Variants in RABEP1 observed in about 807,000 individuals in gnomAD.
RABEP1 encodes rabaptin, RAB GTPase binding effector protein 1, also known as rab GTPase-binding effector protein 1.
RABEP1 carries 51 observed loss-of-function variants against 123.4 expected under a neutral mutation model. That is an observed-to-expected ratio of 0.41 (90% CI 0.33 to 0.52). RABEP1 has a LOEUF of 0.52. RABEP1 is among the 20% of genes least tolerant of loss of function. The pLI is 0.16. For missense variants in RABEP1, 888 were observed against 996.3 expected (o/e 0.89, Z 1.46); for synonymous variants, 347 against 355.2 (o/e 0.98, Z 0.26).
chr17:5,363,087 C>T, intron 10 of RABEP1, 71 bp downstream of exon 10: 3 of 1,109,876 alleles, frequency 2.7e-6, no homozygotes, highest in Non-Finnish European at 4.1e-6. Context: ...AATTGCCCCC[C>T]TCTCCGGCCC....
intron 5 of RABEP1, among the ~76,000 whole-genome samples, chr17:5,344,949 C>A (rs1042508288): frequency 6.6e-6 from 1 of 150,990 alleles, no homozygotes; most frequent in Admixed American, 6.6e-5. Context: ...GGCGACAGAT[C>A]GAGACTCCGT....
chr17:5,315,813 C>G (rs974429012), intron 2 of RABEP1, among the ~76,000 whole-genome samples: 2 of 152,160 alleles, frequency 1.3e-5, no homozygotes, highest in Admixed American at 6.5e-5. Context: ...AATTGCAGCA[C>G]TGCACTCCAG....
chr17:5,318,883 C>T lies in RABEP1; in HGVS notation c.163+10061C>T, dbSNP rs151025019. On this transcript the variant is annotated intron_variant, in intron 2 of 17. Transcript: ENST00000537505. The stretch of plus-strand genomic sequence containing the variant: ...CAGCCACGTGGCATTTGTGTAGGTA[C>T]GCAAGACTGGTTCAACATTCAAAAA... Among the ~76,000 whole-genome samples, 547 of 152,204 alleles carry T rather than the reference C, an allele frequency of 3.6e-3. 4 individuals carry two copies. Among genetic ancestry groups the T allele is most frequent in the African/African-American group, 0.012 (516 of 41,548 alleles).
At chr17:5,360,940 A>AT (rs1195958997) in intron 8 of RABEP1, 1 of 438,616 alleles carries the variant, frequency 2.3e-6, no homozygotes, top group Non-Finnish European at 4.1e-6. Context: ...TCACAGTATT[A>AT]TAACAGTCTG....
At chr17:5,340,705 G>C (rs1230470502) in intron 5 of RABEP1, among the ~76,000 whole-genome samples, 1 of 151,050 alleles carries the variant, frequency 6.6e-6, no homozygotes, top group Non-Finnish European at 1.5e-5. Context: ...CCAGCACTTT[G>C]GGAGGCTGAG....
At chr17:5,293,187 T>C (rs1000813120) in intron 1 of RABEP1, among the ~76,000 whole-genome samples, 2 of 151,632 alleles carry the variant, frequency 1.3e-5, no homozygotes, top group Admixed American at 6.6e-5. Flanking sequence ...CTTGGGAGGG[T>C]GAGGCACGAG....
intron 2 of RABEP1, among the ~76,000 whole-genome samples, chr17:5,312,849 G>T (rs2075258153): frequency 6.6e-6 from 1 of 152,182 alleles, no homozygotes; most frequent in Non-Finnish European, 1.5e-5. Flanking sequence ...GCACATGCCT[G>T]TAATCCTAGC....
intron 10 of RABEP1, among the ~76,000 whole-genome samples, chr17:5,364,154 G>A (rs1909813659): frequency 6.6e-6 from 1 of 152,192 alleles, no homozygotes; most frequent in Admixed American, 6.5e-5. Context: ...AATGTAGTTG[G>A]CCCCTGATAG....
At chr17:5,295,784 G>A (rs1176422947) in intron 1 of RABEP1, among the ~76,000 whole-genome samples, 2 of 152,146 alleles carry the variant, frequency 1.3e-5, no homozygotes, top group Non-Finnish European at 2.9e-5. Context: ...AGCTGCTCAA[G>A]GATGTCAAAG....
intron 1 of RABEP1, among the ~76,000 whole-genome samples, chr17:5,303,093 CT>C (rs2075150170): frequency 6.6e-6 from 1 of 151,924 alleles, no homozygotes; most frequent in African/African-American, 2.4e-5. Context: ...TCATTACAGT[CT>C]TTTTTTCTAT....
intron 13 of RABEP1, among the ~76,000 whole-genome samples, chr17:5,376,909 C>T (rs1567554279): frequency 1.3e-5 from 2 of 152,144 alleles, no homozygotes; most frequent in East Asian, 3.8e-4. Context: ...TTACAAGATA[C>T]GACTTGGCCA....
At chr17:5,344,995 A>G (rs1046622613) in intron 5 of RABEP1, among the ~76,000 whole-genome samples, 1 of 152,084 alleles carries the variant, frequency 6.6e-6, no homozygotes, top group Non-Finnish European at 1.5e-5. Flanking sequence ...AAACAGGTAA[A>G]GTGTATGAGC....
chr17:5,381,432 A>G lies in RABEP1; in HGVS notation c.2414A>G (p.Gln805Arg), dbSNP rs1348592362. ...ATGTTTGAAGAGAAGAATAAAGCTC[A>G]GAGATTACAGACAGAATTAGATGTC... ...QLMFEEKNKA[Q>R]RLQTELDVSE... The change falls in exon 17 of 18, where the codon CAG (glutamine) becomes CGG (arginine). Residue 805 changes from glutamine (Q) to arginine (R), a missense_variant. Gln to Arg is a conservative substitution (Grantham distance 43). Coordinates refer to ENST00000537505, the MANE Select transcript of RABEP1 (RefSeq NM_004703.6). 1.9e-6 allele frequency: 3 copies of G among 1,613,652 alleles called. No homozygotes were observed. Among genetic ancestry groups the G allele is most frequent in the Admixed American group, 3.3e-5 (2 of 60,000 alleles).
At chr17:5,338,445 G>A (rs540503705) in intron 5 of RABEP1, among the ~76,000 whole-genome samples, 4 of 152,102 alleles carry the variant, frequency 2.6e-5, no homozygotes, top group Non-Finnish European at 5.9e-5. Flanking sequence ...CTGTAATCCC[G>A]GCTGCTCCCA....
chr17:5,291,399 G>A (rs1265927144), intron 1 of RABEP1, among the ~76,000 whole-genome samples: 1 of 152,064 alleles, frequency 6.6e-6, no homozygotes, highest in African/African-American at 2.4e-5. Flanking sequence ...GCGACAGTGC[G>A]AGACTCCGTT....
chr17:5,314,581 C>T (rs559318298), intron 2 of RABEP1, among the ~76,000 whole-genome samples: 39 of 150,352 alleles, frequency 2.6e-4, no homozygotes, highest in African/African-American at 7.6e-4. Flanking sequence ...TGCAGTGGCA[C>T]GATCTCGGCT....
chr17:5,373,678 C>T (rs987496508), intron 13 of RABEP1, among the ~76,000 whole-genome samples: 9 of 143,702 alleles, frequency 6.3e-5, no homozygotes, highest in African/African-American at 2.1e-4. Context: ...CCCTGTGACC[C>T]GACTACACCA....
At chr17:5,293,507 T>G (rs2075052471) in intron 1 of RABEP1, among the ~76,000 whole-genome samples, 1 of 152,108 alleles carries the variant, frequency 6.6e-6, no homozygotes, top group African/African-American at 2.4e-5. Context: ...CACGGCTCAA[T>G]GTAACCTTGA....
At chr17:5,311,164 T>C (rs534291798) in intron 2 of RABEP1, among the ~76,000 whole-genome samples, 3 of 152,060 alleles carry the variant, frequency 2.0e-5, no homozygotes, top group Admixed American at 6.5e-5. Context: ...ATTACTGGCT[T>C]CCCCCCTCAG....
Sources: allele counts gnomAD v4.1 joint callset (sites outside exome capture counted in the v4.1 genomes callset), GRCh38; gene constraint gnomAD v4.1.1; transcripts MANE v1.5; gene names NCBI Gene and HGNC (gene_info 2026-07-23, HGNC 2026-07-21).